The following VWC2 variants were observed in gnomAD, a reference collection of about 807,000 sequenced individuals.
VWC2 encodes von Willebrand factor C domain containing 2.
In VWC2, 14 loss-of-function variants were observed where a neutral mutation model predicts 29.8. That is an observed-to-expected ratio of 0.47 (90% CI 0.31 to 0.74). The LOEUF (loss-of-function observed/expected upper bound fraction) is 0.74. VWC2 is among the 30% of genes least tolerant of loss of function. The pLI, the probability that VWC2 is intolerant of heterozygous loss-of-function variation, is 0.05. For missense variants in VWC2, 457 were observed against 459.8 expected (o/e 0.99, Z 0.05); for synonymous variants, 213 against 199.0 (o/e 1.07, Z -0.59).
intron 3 of VWC2, among the ~76,000 whole-genome samples, chr7:49,808,104 A>G (rs1351466295): frequency 1.3e-5 from 2 of 152,112 alleles, no homozygotes; most frequent in Non-Finnish European, 2.9e-5. Context: ...TATGAGAGAA[A>G]AAATAAAAAA....
intron 3 of VWC2, among the ~76,000 whole-genome samples, chr7:49,892,419 A>G (rs577787279): frequency 6.6e-6 from 1 of 152,324 alleles, no homozygotes; most frequent in African/African-American, 2.4e-5. Context: ...CGACAATGTG[A>G]ATAAATCTTA....
intron 3 of VWC2, among the ~76,000 whole-genome samples, chr7:49,911,057 G>A (rs1317155397): frequency 6.6e-6 from 1 of 152,178 alleles, no homozygotes; most frequent in East Asian, 1.9e-4. Flanking sequence ...AAAGTGTCCT[G>A]AAGAGGACTG....
chr7:49,901,887 A>T lies in VWC2; in HGVS notation c.827-10147A>T, dbSNP rs148281110. 4.7e-3 allele frequency among the ~76,000 whole-genome samples: 718 copies of T among 152,092 alleles called. 9 individuals carry two copies. The highest frequency in any genetic ancestry group is 0.016 in the African/African-American group (684 of 41,560). The stretch of plus-strand genomic sequence containing the variant: ...ATAAATATGAACACTGTTTGCTAAC[A>T]CTGTTAGCTAACACTGTTTGCTAAC... On this transcript the variant is annotated intron_variant, in intron 3 of 3. Transcript: ENST00000340652.
In VWC2 at chr7:49,773,782, G is replaced by C. The variant is rs890887705; in HGVS notation, c.-435G>C. ...CCCGAACCCCTCCGCGGAGAGGAGC[G>C]AGGCGGCGCCAGGGTGGCCCCCGGG... On this transcript the variant is annotated 5_prime_UTR_variant, in exon 1 of 4. Transcript: ENST00000340652. The C allele has an allele frequency of 6.6e-6, 1 of 152,344 alleles. No homozygotes were observed. The highest frequency in any genetic ancestry group is 2.4e-5 in the African/African-American group (1 of 41,444). The allele number at this position is 152,344 out of a possible 1,614,324, so 9.4% of individuals were successfully genotyped here. A position where few individuals can be genotyped will look rare whatever the true frequency, so the allele number is the denominator to read the frequency against.
In VWC2 at chr7:49,798,595, T is replaced by G. The variant is rs58016849; in HGVS notation, c.697-4116T>G. On this transcript the variant is annotated intron_variant, in intron 2 of 3. Transcript: ENST00000340652. Reference sequence around the variant, plus strand: ...TCCTGGGGCACCAAACAGAGCCCTGTGTTGGAATGAGGGTCCTTAGGCAGT... The same window carrying G: ...TCCTGGGGCACCAAACAGAGCCCTGGGTTGGAATGAGGGTCCTTAGGCAGT... Among the ~76,000 whole-genome samples the G allele has an allele frequency of 9.7e-3, 1,481 of 152,188 alleles. 23 individuals carry two copies. Among genetic ancestry groups the G allele is most frequent in the African/African-American group, 0.034 (1,412 of 41,518 alleles).
intron 3 of VWC2, among the ~76,000 whole-genome samples, chr7:49,804,287 G>A (rs1295604146): frequency 1.3e-5 from 2 of 151,770 alleles, no homozygotes; most frequent in African/African-American, 4.8e-5. Context: ...AGAAGACTCT[G>A]GGATTGGGGA....
intron 2 of VWC2, among the ~76,000 whole-genome samples, chr7:49,783,315 CAGGGGGTCA>C (rs1205568737): frequency 6.6e-6 from 1 of 151,926 alleles, no homozygotes; most frequent in Non-Finnish European, 1.5e-5. Flanking sequence ...GAGCTTGGGT[CAGGGGGTCA>C]AGGGGGCACA....
intron 3 of VWC2, among the ~76,000 whole-genome samples, chr7:49,874,297 A>G (rs1264417153): frequency 2.0e-5 from 3 of 152,158 alleles, no homozygotes; most frequent in East Asian, 3.8e-4. Context: ...TACCTTTTCT[A>G]TGGTTAGATA....
At chr7:49,844,052 G>A (rs1789860534) in intron 3 of VWC2, among the ~76,000 whole-genome samples, 1 of 152,218 alleles carries the variant, frequency 6.6e-6, no homozygotes, top group South Asian at 2.1e-4. Flanking sequence ...ATGAAGGTTG[G>A]CAGCACAGGA....
rs1793497345 is a variant in VWC2 at position 49,912,266 on chromosome 7, A to C, written c.*81A>C. On this transcript the variant is annotated 3_prime_UTR_variant, in exon 4 of 4. Coordinates refer to ENST00000340652, the MANE Select transcript of VWC2 (RefSeq NM_198570.5). The stretch of plus-strand genomic sequence containing the variant: ...ATTCTAGATGACTCTGGGAACTATC[A>C]GTCAAAGAAGACTTTTGATGAGGAA... The C allele has an allele frequency of 7.0e-7, 1 of 1,422,260 alleles. No homozygotes were observed. Among genetic ancestry groups the C allele is most frequent in the Admixed American group, 2.2e-5 (1 of 46,002 alleles). 88.1% of individuals were successfully genotyped at this position (1,422,260 alleles called of 1,614,324 possible).
chr7:49,775,318 C>T lies in VWC2; in HGVS notation c.-103-15C>T, dbSNP rs1788026279. On this transcript the variant is annotated splice_polypyrimidine_tract_variant and intron_variant, in intron 1 of 3. Transcript: ENST00000340652. Reference sequence around the variant, plus strand: ...CGGGCCGCGGGGCTCAGTTGTGCTGCTGTTCTCTCCGCAGGGACGGCGGCT... The same window carrying T: ...CGGGCCGCGGGGCTCAGTTGTGCTGTTGTTCTCTCCGCAGGGACGGCGGCT... 5.7e-6 allele frequency: 4 copies of T among 698,288 alleles called. No individual in the cohort carries two copies. Among genetic ancestry groups the T allele is most frequent in the Non-Finnish European group, 5.9e-6 (3 of 505,600 alleles). 43.3% of individuals were successfully genotyped at this position (698,288 alleles called of 1,614,324 possible).
chr7:49,905,956 C>T (rs1479215748), intron 3 of VWC2, among the ~76,000 whole-genome samples: 12 of 149,402 alleles, frequency 8.0e-5, no homozygotes, highest in Admixed American at 8.0e-4. Flanking sequence ...CAGGAAGTTA[C>T]CTTATATGGT....
chr7:49,775,210 C>G (rs1788023275), intron 1 of VWC2, 123 bp from the exon 2 acceptor site: 1 of 263,282 alleles, frequency 3.8e-6, no homozygotes, highest in Non-Finnish European at 7.1e-6. Context: ...GCTGGGCATG[C>G]TGCCCCCGCC....
chr7:49,890,978 G>A (rs1792102828), intron 3 of VWC2, among the ~76,000 whole-genome samples: 1 of 151,930 alleles, frequency 6.6e-6, no homozygotes, highest in Admixed American at 6.6e-5. Context: ...AAAAAAAGAT[G>A]GGCTAAATAG....
chr7:49,823,595 AGTTGGGTAT>A (rs1789319257), intron 3 of VWC2, among the ~76,000 whole-genome samples: 1 of 152,182 alleles, frequency 6.6e-6, no homozygotes, highest in African/African-American at 2.4e-5. Context: ...GGCCCCCGGC[AGTTGGGTAT>A]GTGTTTATTA....
chr7:49,779,512 C>T (rs1219803103), intron 2 of VWC2, among the ~76,000 whole-genome samples: 1 of 151,896 alleles, frequency 6.6e-6, no homozygotes, highest in East Asian at 1.9e-4. Context: ...TCAAATGATA[C>T]CAAGTGTCTT....
rs988983547 is a variant in VWC2, at chr7:49,913,374, A to G, written c.*1189A>G. The G allele has an allele frequency of 1.3e-5, 2 of 152,234 alleles. No homozygotes were observed. The highest frequency in any genetic ancestry group is 4.8e-5 in the African/African-American group (2 of 41,478). The allele number at this position is 152,234 out of a possible 1,614,324, so 9.4% of individuals were successfully genotyped here. A position where few individuals can be genotyped will look rare whatever the true frequency, so the allele number is the denominator to read the frequency against. On this transcript the variant is annotated 3_prime_UTR_variant, in exon 4 of 4. Coordinates refer to ENST00000340652, the MANE Select transcript of VWC2 (RefSeq NM_198570.5). ...AGTCCTGCTAATCTAATTAATGCAT[A>G]ATAGAAAATAGTTCTACCTTTATCA...
At position 49,776,125 on chromosome 7, in the gene VWC2, G is replaced by A. The variant is rs760172947; in HGVS notation, c.690G>A (p.Glu230=). ...FRGKTYQTLE[E]FVVSPCERCR... is the part of the protein sequence containing the mutation. ...GCAAGACCTATCAGACTTTGGAGGAGTTCGTGGTAAGATGCGAACGCCCGC... is the reference window on the plus strand; with the variant it reads ...GCAAGACCTATCAGACTTTGGAGGAATTCGTGGTAAGATGCGAACGCCCGC... Residue 230 remains glutamate, a synonymous_variant, in exon 2 of 4, where the codon GAG becomes GAA. Coordinates refer to ENST00000340652, the MANE Select transcript of VWC2 (RefSeq NM_198570.5). 6.6e-7 allele frequency: 1 copy of A among 1,518,330 alleles called. No individual in the cohort carries two copies. The highest frequency in any genetic ancestry group is 1.2e-5 in the South Asian group (1 of 81,466). 94.1% of individuals were successfully genotyped at this position (1,518,330 alleles called of 1,614,324 possible).
Position 49,913,872 on chromosome 7 carries a change from A to T in VWC2, c.*1687A>T, listed in dbSNP as rs1793588620. 6.6e-6 allele frequency: 1 copy of T among 152,248 alleles called. No homozygotes were observed. Among genetic ancestry groups the T allele is most frequent in the South Asian group, 2.1e-4 (1 of 4,836 alleles). 9.4% of individuals were successfully genotyped at this position (152,248 alleles called of 1,614,324 possible). A position where few individuals can be genotyped will look rare whatever the true frequency, so the allele number is the denominator to read the frequency against. On this transcript the variant is annotated 3_prime_UTR_variant, in exon 4 of 4. Transcript: ENST00000340652. ...TAAACTATTGTGAACCTTAGTAAGTATAAAGATGCCACTGACTGAGTCATC... is the reference window on the plus strand; with the variant it reads ...TAAACTATTGTGAACCTTAGTAAGTTTAAAGATGCCACTGACTGAGTCATC...
Sources: allele counts gnomAD v4.1 joint callset (sites outside exome capture counted in the v4.1 genomes callset), GRCh38; gene constraint gnomAD v4.1.1; transcripts MANE v1.5; gene names NCBI Gene and HGNC (gene_info 2026-07-23, HGNC 2026-07-21).